The following CSMD1 variants were observed in gnomAD, a reference collection of about 807,000 sequenced individuals.
CSMD1 encodes CUB and Sushi multiple domains 1.
CSMD1 carries 213 observed loss-of-function variants against 417.5 expected under a neutral mutation model. That is an observed-to-expected ratio of 0.51 (90% CI 0.46 to 0.57). The LOEUF (loss-of-function observed/expected upper bound fraction) is 0.57, where lower values mean the gene tolerates loss of function less well. Among genes scored for constraint, CSMD1 ranks in the 20% least tolerant of loss-of-function variants. CSMD1 has a pLI of 0.00. For synonymous variants in CSMD1, 2,862 were observed against 1,736.8 expected, an observed-to-expected ratio of 1.65 and a Z score of -16.11; for missense variants, 6,923 against 4,529.7, an observed-to-expected ratio of 1.53 and a Z score of -15.17.
At position 4,371,956 on chromosome 8, in the gene CSMD1, T is replaced by C. The variant is rs1052118913; in HGVS notation, c.415+47997A>G. Among the ~76,000 whole-genome samples the C allele has an allele frequency of 5.3e-5, 8 of 152,328 alleles. 1 individual carries two copies. Among genetic ancestry groups the C allele is most frequent in the African/African-American group, 1.9e-4 (8 of 41,576 alleles). ...TGACGAAAAGTGGTAGCTCCGCTAA[T>C]ATAAACTCATTGCCGTGATGGAAAT... On this transcript the variant is annotated intron_variant, in intron 3 of 69. Coordinates refer to ENST00000635120, the MANE Select transcript of CSMD1 (RefSeq NM_033225.6).
chr8:4,291,603 C>T (rs530297237), intron 3 of CSMD1, among the ~76,000 whole-genome samples: 43 of 152,218 alleles, frequency 2.8e-4, no homozygotes, highest in African/African-American at 1.0e-3. Context: ...TTTCTGTGGT[C>T]ATTTTTCTTG....
chr8:4,123,825 G>A (rs1011518039), intron 3 of CSMD1, among the ~76,000 whole-genome samples: 16 of 152,080 alleles, frequency 1.1e-4, no homozygotes, highest in Admixed American at 2.0e-4. Context: ...GTTCAAGTGA[G>A]GACCTATAGA....
At chr8:3,699,600 C>T (rs1429668557) in intron 7 of CSMD1, among the ~76,000 whole-genome samples, 1 of 152,118 alleles carries the variant, frequency 6.6e-6, no homozygotes, top group African/African-American at 2.4e-5. Flanking sequence ...TAGTGAATTT[C>T]CATTTTTACT....
chr8:3,527,432 G>T (rs193235850), intron 10 of CSMD1, among the ~76,000 whole-genome samples: 1 of 152,280 alleles, frequency 6.6e-6, no homozygotes, highest in Admixed American at 6.5e-5. Flanking sequence ...TAGATTAGAG[G>T]TTGCTAAAGA....
intron 4 of CSMD1, among the ~76,000 whole-genome samples, chr8:4,002,204 AGT>A (rs961932138): frequency 4.0e-5 from 6 of 150,566 alleles, no homozygotes; most frequent in Non-Finnish European, 5.9e-5. Flanking sequence ...GGTGCCTGTG[AGT>A]GTGTGTGTGT....
chr8:4,361,095 A>G (rs1489460713), intron 3 of CSMD1, among the ~76,000 whole-genome samples: 1 of 152,212 alleles, frequency 6.6e-6, no homozygotes. Flanking sequence ...TTCTCATGCT[A>G]CACACTGTGT....
intron 1 of CSMD1, among the ~76,000 whole-genome samples, chr8:4,890,789 A>C (rs1193290643): frequency 6.6e-6 from 1 of 152,146 alleles, no homozygotes; most frequent in Non-Finnish European, 1.5e-5. Flanking sequence ...GCACCGACCT[A>C]ATACATTCCG....
chr8:3,157,955 G>T lies in CSMD1; in HGVS notation c.5856C>A (p.His1952Gln), dbSNP rs142114285. ...GAACGGTCCCTGGCATACAGGAAAT[G>T]TGGGAACGGCCCTGTTTAAAAGAAA... ...EPGYTLQGRS[H>Q]ISCMPGTVRR... The change falls in exon 39 of 70, where the codon CAC (histidine) becomes CAA (glutamine). Residue 1952 changes from histidine to glutamine, a missense_variant. By Grantham distance (24) the His-to-Gln change is conservative. Coordinates refer to ENST00000635120, the MANE Select transcript of CSMD1 (RefSeq NM_033225.6). 2 of 1,553,914 alleles carry T rather than the reference G, an allele frequency of 1.3e-6. No individual in the cohort carries two copies. The highest frequency in any genetic ancestry group is 1.7e-6 in the Non-Finnish European group (2 of 1,148,284).
intron 3 of CSMD1, among the ~76,000 whole-genome samples, chr8:4,340,560 A>C (rs1445678685): frequency 6.6e-6 from 1 of 152,088 alleles, no homozygotes; most frequent in Non-Finnish European, 1.5e-5. Context: ...GTCCAAGGGC[A>C]ATTCAGGGAC....
At chr8:3,044,294 T>C (rs1353167282) in intron 50 of CSMD1, among the ~76,000 whole-genome samples, 1 of 152,204 alleles carries the variant, frequency 6.6e-6, no homozygotes, top group African/African-American at 2.4e-5. Context: ...ATTTATTTTC[T>C]TGTTGCATGA....
intron 1 of CSMD1, among the ~76,000 whole-genome samples, chr8:4,872,817 GC>G (rs1802811681): frequency 6.6e-6 from 1 of 152,024 alleles, no homozygotes; most frequent in Non-Finnish European, 1.5e-5. Context: ...TACTGTTTTT[GC>G]CCTTTATGAA....
At chr8:3,943,670 C>A (rs180961354) in intron 5 of CSMD1, among the ~76,000 whole-genome samples, 1 of 152,074 alleles carries the variant, frequency 6.6e-6, no homozygotes, top group Non-Finnish European at 1.5e-5. Flanking sequence ...CAACAGGGGT[C>A]CCCTGCTATA....
chr8:4,098,029 A>G (rs189772172), intron 3 of CSMD1, among the ~76,000 whole-genome samples: 86 of 152,316 alleles, frequency 5.6e-4, no homozygotes, highest in Admixed American at 1.7e-3. Context: ...AGGAGTTCAT[A>G]TAATTTTTGT....
intron 3 of CSMD1, among the ~76,000 whole-genome samples, chr8:4,251,367 T>C (rs1427075535): frequency 6.6e-6 from 1 of 152,164 alleles, no homozygotes; most frequent in Non-Finnish European, 1.5e-5. Context: ...GTTTGGAAGG[T>C]TTTATTTAAA....
chr8:4,481,213 C>T (rs1442180250), intron 2 of CSMD1, among the ~76,000 whole-genome samples: 1 of 152,236 alleles, frequency 6.6e-6, no homozygotes, highest in African/African-American at 2.4e-5. Context: ...CTTTACCTTC[C>T]TATCAGCAGA....
intron 2 of CSMD1, among the ~76,000 whole-genome samples, chr8:4,616,669 A>G (rs17417099): frequency 0.017 from 2,665 of 152,340 alleles, 26 homozygotes; most frequent in Non-Finnish European, 0.027. Context: ...AAGAGCCAAC[A>G]GTAAACTGAC....
chr8:4,868,967 GACAT>G (rs1256671259), intron 1 of CSMD1, among the ~76,000 whole-genome samples: 4 of 151,670 alleles, frequency 2.6e-5, no homozygotes, highest in Non-Finnish European at 5.9e-5. Flanking sequence ...TACACACAGA[GACAT>G]ACAAATAGAA....
At chr8:4,430,164 C>G (rs906298262) in intron 2 of CSMD1, among the ~76,000 whole-genome samples, 3 of 152,176 alleles carry the variant, frequency 2.0e-5, no homozygotes, top group African/African-American at 7.2e-5. Flanking sequence ...CAGAATCTAT[C>G]CTACGTGTGC....
At chr8:4,310,166 G>C (rs147906237) in intron 3 of CSMD1, among the ~76,000 whole-genome samples, 2 of 152,118 alleles carry the variant, frequency 1.3e-5, no homozygotes, top group African/African-American at 4.8e-5. Context: ...CCCAGGTATT[G>C]CATCAGACCA....
Sources: gnomAD v4.1 joint callset for allele counts (sites outside exome capture counted in the v4.1 genomes callset) on GRCh38, gnomAD v4.1.1 for gene constraint, MANE v1.5 for transcripts, NCBI Gene and HGNC (gene_info 2026-07-23, HGNC 2026-07-21) for gene names.